Variants in NAA25 observed in about 807,000 individuals in gnomAD.
NAA25 encodes N-alpha-acetyltransferase 25, NatB auxiliary subunit, also known as N-terminal acetyltransferase B complex subunit NAA25.
A neutral mutation model predicts 132.5 loss-of-function variants in NAA25; 30 were observed. The ratio of observed to expected loss-of-function variants is 0.23; its 90% CI spans 0.17 to 0.31. NAA25 has a LOEUF of 0.31. NAA25 is among the 10% of genes least tolerant of loss of function. The pLI, the probability that NAA25 is intolerant of heterozygous loss-of-function variation, is 1.00. For missense variants in NAA25, 771 were observed against 1,150.4 expected (o/e 0.67, Z 4.77); for synonymous variants, 359 against 401.9 (o/e 0.89, Z 1.28).
intron 1 of NAA25, among the ~76,000 whole-genome samples, chr12:112,094,643 G>C (rs980947547): frequency 3.3e-5 from 5 of 152,088 alleles, no homozygotes; most frequent in African/African-American, 1.2e-4. Flanking sequence ...AGTAGGCAAG[G>C]ATGTAGGGAA....
chr12:112,083,570 C>T (rs2079002072), intron 4 of NAA25, among the ~76,000 whole-genome samples: 1 of 151,934 alleles, frequency 6.6e-6, no homozygotes, highest in Non-Finnish European at 1.5e-5. Flanking sequence ...TAAACATGAT[C>T]TAGAGACGAC....
intron 2 of NAA25, among the ~76,000 whole-genome samples, chr12:112,092,433 C>T (rs1276736090): frequency 5.9e-5 from 9 of 151,830 alleles, no homozygotes; most frequent in Non-Finnish European, 1.2e-4. Flanking sequence ...GAGACCAGCC[C>T]GACCAACATG....
At chr12:112,088,916 G>A (rs967769874) in intron 3 of NAA25, among the ~76,000 whole-genome samples, 6 of 151,956 alleles carry the variant, frequency 3.9e-5, no homozygotes, top group African/African-American at 9.7e-5. Context: ...CACTGCGCCC[G>A]GCTGAAAGTG....
intron 17 of NAA25, among the ~76,000 whole-genome samples, chr12:112,047,229 C>A (rs201168954): frequency 8.4e-6 from 1 of 119,182 alleles, no homozygotes; most frequent in Admixed American, 8.6e-5. Flanking sequence ...CATCCTAATT[C>A]TTTTTTTTTT....
intron 1 of NAA25, 95 bp downstream of exon 1, chr12:112,108,621 C>G (rs1207121631): frequency 3.3e-6 from 4 of 1,203,584 alleles, no homozygotes; most frequent in East Asian, 6.8e-5. Context: ...GCCCGGCCCG[C>G]GCGCCGGCCC....
In NAA25 at chr12:112,073,919, GA is replaced by G. The variant is rs555544128; in HGVS notation, c.866+755del. 2.8e-4 allele frequency among the ~76,000 whole-genome samples: 41 copies of G among 148,712 alleles called. No homozygotes were observed. In the South Asian group the frequency reaches 4.9e-3, roughly 18 times the overall value. ...TGGAGTACTCTTAAGCCACTGGGGG[GA>G]AAAAAAATGAAAGAGATCTACATGT... On this transcript the variant is annotated intron_variant, in intron 9 of 23. Transcript: ENST00000261745.
At chr12:112,099,935 A>G (rs2079268204) in intron 1 of NAA25, among the ~76,000 whole-genome samples, 1 of 152,248 alleles carries the variant, frequency 6.6e-6, no homozygotes, top group East Asian at 1.9e-4. Flanking sequence ...CACAACTTAT[A>G]AAAACGCTAA....
chr12:112,078,579 T>C, intron 6 of NAA25, 55 bp downstream of exon 6: 2 of 1,414,050 alleles, frequency 1.4e-6, no homozygotes, highest in Non-Finnish European at 2.0e-6. Context: ...TATAACATAA[T>C]ATTGTAGCAC....
At chr12:112,057,414 G>C (rs933763763) in intron 13 of NAA25, among the ~76,000 whole-genome samples, 3 of 152,138 alleles carry the variant, frequency 2.0e-5, no homozygotes, top group African/African-American at 7.2e-5. Flanking sequence ...TCTGTGTGGG[G>C]ATCAAATTAC....
chr12:112,074,501 A>G (rs2078866898), intron 9 of NAA25, among the ~76,000 whole-genome samples, 174 bp downstream of exon 9: 1 of 152,170 alleles, frequency 6.6e-6, no homozygotes, highest in African/African-American at 2.4e-5. Context: ...CACTAACATG[A>G]TTTTTAGAAT....
chr12:112,107,914 G>T (rs750589065), intron 1 of NAA25, among the ~76,000 whole-genome samples: 10 of 152,200 alleles, frequency 6.6e-5, no homozygotes, highest in Non-Finnish European at 1.3e-4. Context: ...TGGATGAGAT[G>T]ACATCAAGGT....
rs1453030606 is a variant in NAA25, at chr12:112,029,657, T to TA, written c.2797-5dup. The TA allele has an allele frequency of 6.2e-7, 1 of 1,611,850 alleles. No individual in the cohort carries two copies. Among genetic ancestry groups the TA allele is most frequent in the South Asian group, 1.1e-5 (1 of 90,886 alleles). On this transcript the variant is annotated splice_polypyrimidine_tract_variant and splice_region_variant and intron_variant, in intron 23 of 23. Transcript: ENST00000261745. Reference sequence around the variant, plus strand: ...TCTTTGAAAATTTTCTCTCTTCCTATAAAGGAGGAGACAAGAATAATTAGT... The same window carrying TA: ...TCTTTGAAAATTTTCTCTCTTCCTATAAAAGGAGGAGACAAGAATAATTAGT...
chr12:112,097,562 G>A (rs182974740), intron 1 of NAA25: 4 of 146,648 alleles, frequency 2.7e-5, no homozygotes, highest in Admixed American at 7.0e-5. Context: ...AGCCAAGATT[G>A]CGCCACTGCA....
chr12:112,043,928 A>AT (rs372332897), intron 17 of NAA25, 60 bp from the exon 18 acceptor site: 223,092 of 1,262,772 alleles, frequency 0.18, 2 homozygotes, highest in Non-Finnish European at 0.19. Flanking sequence ...ATTGCTTTCA[A>AT]TTTTTTTTTT....
chr12:112,076,704 A>G (rs1407502144), intron 7 of NAA25, among the ~76,000 whole-genome samples: 1 of 152,084 alleles, frequency 6.6e-6, no homozygotes, highest in Non-Finnish European at 1.5e-5. Flanking sequence ...GTTTAAAAAA[A>G]AAAAAGGGCC....
At position 112,049,610 on chromosome 12, in the gene NAA25, A is replaced by G. The variant is rs1295113051; in HGVS notation, c.1729-1167T>C. 1 of 985,598 alleles carries G rather than the reference A, an allele frequency of 1.0e-6. No homozygotes were observed. The highest frequency in any genetic ancestry group is 1.7e-5 in the African/African-American group (1 of 57,238). The allele number at this position is 985,598 out of a possible 1,614,324, so 61.1% of individuals were successfully genotyped here. A position where few individuals can be genotyped will look rare whatever the true frequency, so the allele number is the denominator to read the frequency against. On this transcript the variant is annotated intron_variant, in intron 15 of 23. Coordinates refer to ENST00000261745, the MANE Select transcript of NAA25 (RefSeq NM_024953.4). This position sits in a 1 kb window ranked among gnomAD's most constrained non-coding sequence, Gnocchi z 4.7. The stretch of plus-strand genomic sequence containing the variant: ...CCTCGGCGAGCTGTTTGCCTGCAGT[A>G]TCTGGAGAAATTAAAGACGGACGGA...
At chr12:112,106,458 G>C (rs2079362766) in intron 1 of NAA25, among the ~76,000 whole-genome samples, 2 of 151,810 alleles carry the variant, frequency 1.3e-5, no homozygotes, top group African/African-American at 4.8e-5. Context: ...ATGAACCCTG[G>C]ATTCAGTTCT....
chr12:112,033,553 A>G (rs1190174305), intron 22 of NAA25, 174 bp from the exon 23 acceptor site: 2 of 437,686 alleles, frequency 4.6e-6, no homozygotes, highest in South Asian at 1.5e-4. Context: ...ATACAAAATA[A>G]CACAGTAATA....
intron 1 of NAA25, chr12:112,097,567 A>G (rs938094552): frequency 6.8e-6 from 1 of 147,804 alleles, no homozygotes; most frequent in African/African-American, 2.5e-5. Flanking sequence ...AGATTGCGCC[A>G]CTGCACTCCA....
Sources: gnomAD v4.1 joint callset for allele counts (sites outside exome capture counted in the v4.1 genomes callset) on GRCh38, gnomAD v4.1.1 for gene constraint, Gnocchi (gnomAD v3.1) non-coding constraint, MANE v1.5 for transcripts, NCBI Gene and HGNC (gene_info 2026-07-23, HGNC 2026-07-21) for gene names.